The following IL17RA variants were observed in gnomAD, a reference collection of about 807,000 sequenced individuals.
IL17RA encodes interleukin 17 receptor A.
IL17RA carries 34 observed loss-of-function variants against 50.4 expected under a neutral mutation model. The ratio of observed to expected loss-of-function variants is 0.67; its 90% CI spans 0.51 to 0.90. The LOEUF is 0.90. Ranked by LOEUF, IL17RA falls within the 40% of genes least tolerant of loss-of-function variation. IL17RA has a pLI of 0.00. For missense variants in IL17RA, 1,276 were observed against 1,169.8 expected, an observed-to-expected ratio of 1.09 and a Z score of -1.32; for synonymous variants, 585 against 510.4, an observed-to-expected ratio of 1.15 and a Z score of -1.97.
intron 1 of IL17RA, among the ~76,000 whole-genome samples, chr22:17,092,575 G>A (rs1443032683): frequency 6.6e-6 from 1 of 152,026 alleles, no homozygotes; most frequent in Admixed American, 6.5e-5. Flanking sequence ...TTGCTTGGTG[G>A]TGGGAAGAAA....
chr22:17,107,739 A>C lies in IL17RA; in HGVS notation c.1058A>C (p.Glu353Ala). ...MTWRLAGPGS[E>A]KYSDDTKYTD... ...TTTTCCTTTCCAGGGCCTGGAAGTGAAAAATACAGTGATGACACCAAATAC... is the reference window on the plus strand; with the variant it reads ...TTTTCCTTTCCAGGGCCTGGAAGTGCAAAATACAGTGATGACACCAAATAC... Residue 353 changes from glutamate (E) to alanine (A), a missense_variant, in exon 12 of 13, where the codon GAA becomes GCA. By Grantham distance (107) the Glu-to-Ala change is moderately radical. Transcript: ENST00000319363. 6.2e-7 allele frequency: 1 copy of C among 1,613,734 alleles called. No individual in the cohort carries two copies. Among genetic ancestry groups the C allele is most frequent in the African/African-American group, 1.3e-5 (1 of 75,056 alleles).
chr22:17,100,138 GT>G (rs199884376), intron 4 of IL17RA, among the ~76,000 whole-genome samples: 8 of 76,946 alleles, frequency 1.0e-4, no homozygotes, highest in African/African-American at 2.4e-4. Flanking sequence ...CCAGATCCAG[GT>G]TTAAAAAAAA....
Position 17,114,363 on chromosome 22 carries a change from C to G in IL17RA, c.*4543C>G, listed in dbSNP as rs568606420. The G allele has an allele frequency of 2.0e-5, 3 of 152,440 alleles. No individual in the cohort carries two copies. The highest frequency in any genetic ancestry group is 2.0e-4 in the Admixed American group (3 of 15,306). The allele number at this position is 152,440 out of a possible 1,614,324, so 9.4% of individuals were successfully genotyped here. ...CCCTGTCCATTTAGGTTGATGAAAG[C>G]AGGCAGTCACCCGGGTGGGCCAGTC... On this transcript the variant is annotated 3_prime_UTR_variant, in exon 13 of 13. Coordinates refer to ENST00000319363, the MANE Select transcript of IL17RA (RefSeq NM_014339.7).
intron 2 of IL17RA, 135 bp from the exon 3 acceptor site, chr22:17,097,662 G>A: frequency 1.1e-6 from 1 of 951,584 alleles, no homozygotes; most frequent in South Asian, 1.4e-5. Flanking sequence ...TAAAGCTGAG[G>A]ACGCGGCCAA....
chr22:17,097,281 T>G, intron 2 of IL17RA, 195 bp downstream of exon 2: 1 of 650,018 alleles, frequency 1.5e-6, no homozygotes, highest in South Asian at 1.7e-5. Flanking sequence ...TATGCAAAAG[T>G]CAGGAAAGGA....
intron 7 of IL17RA, among the ~76,000 whole-genome samples, chr22:17,103,015 G>A (rs1220213656): frequency 3.3e-5 from 5 of 152,062 alleles, no homozygotes; most frequent in East Asian, 1.9e-4. Flanking sequence ...GCTGGCACAC[G>A]CCTGTAATCC....
rs1456279112 is a variant in IL17RA at position 17,108,648 on chromosome 22, G to C, written c.1429G>C (p.Asp477His). The C allele has an allele frequency of 6.2e-7, 1 of 1,606,560 alleles. No individual in the cohort carries two copies. The highest frequency in any genetic ancestry group is 1.3e-5 in the African/African-American group (1 of 74,934). ...CTGCGACCACGGAAAGCCCGTGGGG[G>C]ACCTGTTCACTGCAGCCATGAACAT... ...LRCDHGKPVG[D>H]LFTAAMNMIL... Residue 477 changes from aspartate (D) to histidine (H), a missense_variant, in exon 13 of 13, where the codon GAC (aspartate) becomes CAC (histidine). Asp to His is a moderately conservative substitution (Grantham distance 81). Coordinates refer to ENST00000319363, the MANE Select transcript of IL17RA (RefSeq NM_014339.7).
At chr22:17,097,968 C>G (rs765205601) in intron 3 of IL17RA, 25 bp downstream of exon 3, 2 of 1,613,300 alleles carry the variant, frequency 1.2e-6, no homozygotes, top group South Asian at 1.1e-5. Flanking sequence ...CAGCAGGGCC[C>G]TGGGGGATTC....
In IL17RA at chr22:17,105,718, G is replaced by GT. The variant is rs998701838; in HGVS notation, c.943+116_943+117insT. Reference sequence around the variant, plus strand: ...CAAGGCTGAACCGAGGCCAGCCCGGGGTGGGGGGTGAGACCATGGTTTGTC... The same window carrying GT: ...CAAGGCTGAACCGAGGCCAGCCCGGGTGTGGGGGGTGAGACCATGGTTTGTC... On this transcript the variant is annotated intron_variant, in intron 10 of 12. Coordinates refer to ENST00000319363, the MANE Select transcript of IL17RA (RefSeq NM_014339.7). The GT allele has an allele frequency of 9.5e-5, 128 of 1,351,410 alleles. 1 individual carries two copies. Among genetic ancestry groups the GT allele is most frequent in the Non-Finnish European group, 1.2e-4 (120 of 974,972 alleles). 83.7% of individuals were successfully genotyped at this position (1,351,410 alleles called of 1,614,324 possible).
At chr22:17,094,782 T>G (rs182878135) in intron 1 of IL17RA, among the ~76,000 whole-genome samples, 65 of 145,788 alleles carry the variant, frequency 4.5e-4, no homozygotes, top group African/African-American at 1.6e-3. Flanking sequence ...AAAAGTTATT[T>G]GAAACTTATT....
Position 17,097,448 on chromosome 22 carries a change from A to G in IL17RA, c.164-349A>G, listed in dbSNP as rs186530839. On this transcript the variant is annotated intron_variant, in intron 2 of 12. Transcript: ENST00000319363. Reference sequence around the variant, plus strand: ...TTTTAATTCAAAGAGGCACATATTCAAGTGTCTGAGCCAATTAGAGACCCC... The same window carrying G: ...TTTTAATTCAAAGAGGCACATATTCGAGTGTCTGAGCCAATTAGAGACCCC... 1.1e-4 allele frequency: 58 copies of G among 513,018 alleles called. 1 individual carries two copies. In the East Asian group the frequency reaches 2.0e-3, roughly 18 times the overall value. The allele number at this position is 513,018 out of a possible 1,614,324, so 31.8% of individuals were successfully genotyped here. A position where few individuals can be genotyped will look rare whatever the true frequency, so the allele number is the denominator to read the frequency against.
In IL17RA at chr22:17,113,009, T is replaced by G. The variant is rs2061450960; in HGVS notation, c.*3189T>G. On this transcript the variant is annotated 3_prime_UTR_variant, in exon 13 of 13. Coordinates refer to ENST00000319363, the MANE Select transcript of IL17RA (RefSeq NM_014339.7). ...TCCTAGTTTTTTTTTTGTTTTTTTT[T>G]TTTTTAAGGAATAATTACTTTGATT... 1 of 151,862 alleles carries G rather than the reference T, an allele frequency of 6.6e-6. No individual in the cohort carries two copies. The highest frequency in any genetic ancestry group is 1.5e-5 in the Non-Finnish European group (1 of 67,982). The allele number at this position is 151,862 out of a possible 1,614,324, so 9.4% of individuals were successfully genotyped here. A position where few individuals can be genotyped will look rare whatever the true frequency, so the allele number is the denominator to read the frequency against.
Position 17,097,858 on chromosome 22 carries a change from C to T in IL17RA, c.225C>T (p.Asp75=), listed in dbSNP as rs781093921. ...ACCTGACCCCCTCCTCCCCAAAGGA[C>T]CTGCAGATCCAGCTGCACTTTGCCC... ...PRNLTPSSPK[D]LQIQLHFAHT... is the part of the protein sequence containing the mutation. Residue 75 remains aspartate, a synonymous_variant, in exon 3 of 13, where the codon GAC becomes GAT. Transcript: ENST00000319363. 6.2e-6 allele frequency: 10 copies of T among 1,614,134 alleles called. No individual in the cohort carries two copies. Among genetic ancestry groups the T allele is most frequent in the Middle Eastern group, 1.6e-4 (1 of 6,084 alleles).
chr22:17,098,744 C>T, intron 3 of IL17RA, 31 bp from the exon 4 acceptor site: 4 of 1,569,302 alleles, frequency 2.5e-6, no homozygotes, highest in Non-Finnish European at 3.5e-6. Flanking sequence ...TGATCTGCAT[C>T]TGTTTGTCTT....
rs1331928367 is a variant in IL17RA at position 17,113,854 on chromosome 22, G to A, written c.*4034G>A. 2 of 152,262 alleles carry A rather than the reference G, an allele frequency of 1.3e-5. No homozygotes were observed. Among genetic ancestry groups the A allele is most frequent in the African/African-American group, 4.8e-5 (2 of 41,460 alleles). The allele number at this position is 152,262 out of a possible 1,614,324, so 9.4% of individuals were successfully genotyped here. On this transcript the variant is annotated 3_prime_UTR_variant, in exon 13 of 13. Transcript: ENST00000319363. The stretch of plus-strand genomic sequence containing the variant: ...GGTAGCTTGCTCATCTGTAAAGTGG[G>A]TGGGGCAGGAGTTCCCACCTCATGG...
At position 17,103,711 on chromosome 22, in the gene IL17RA, G is replaced by T. The variant is rs1255197023; in HGVS notation, c.846+134G>T. The T allele has an allele frequency of 4.2e-5, 32 of 755,648 alleles. No homozygotes were observed. The African/African-American group carries it at 5.2e-4, about 12-fold the overall frequency. 46.8% of individuals were successfully genotyped at this position (755,648 alleles called of 1,614,324 possible). A position where few individuals can be genotyped will look rare whatever the true frequency, so the allele number is the denominator to read the frequency against. On this transcript the variant is annotated intron_variant, in intron 8 of 12. Coordinates refer to ENST00000319363, the MANE Select transcript of IL17RA (RefSeq NM_014339.7). ...GGAGTGTGCACAGGTGGAGAGAGTG[G>T]TGTGGACGGGAGTGGGGAGCGTGCA...
At chr22:17,100,310 A>AG in intron 4 of IL17RA, 45 bp from the exon 5 acceptor site, 1 of 1,613,490 alleles carries the variant, frequency 6.2e-7, no homozygotes, top group Non-Finnish European at 8.5e-7. Context: ...TGGGTGACAG[A>AG]GGTGTGTGTA....
In IL17RA at chr22:17,100,515, A is replaced by G. The variant is rs201132835; in HGVS notation, c.550+34A>G. On this transcript the variant is annotated intron_variant, in intron 5 of 12. Coordinates refer to ENST00000319363, the MANE Select transcript of IL17RA (RefSeq NM_014339.7). The stretch of plus-strand genomic sequence containing the variant: ...ATCCTCCCAAGACATTCCCTCCCCA[A>G]TGGCCTCTGTGAGAAGGAAGCACCA... The G allele has an allele frequency of 1.1e-4, 177 of 1,611,038 alleles. No homozygotes were observed. The Middle Eastern group carries it at 2.4e-3, about 21-fold the overall frequency.
At chr22:17,105,686 A>G (rs371945170) in intron 10 of IL17RA, 84 bp downstream of exon 10, 115 of 1,505,982 alleles carry the variant, frequency 7.6e-5, no homozygotes, top group Non-Finnish European at 9.8e-5. Context: ...TGCCTCAGCC[A>G]GGCAGACAAG....
Sources: allele counts gnomAD v4.1 joint callset (sites outside exome capture counted in the v4.1 genomes callset), GRCh38; gene constraint gnomAD v4.1.1; transcripts MANE v1.5; gene names NCBI Gene and HGNC (gene_info 2026-07-23, HGNC 2026-07-21).